Variants in SMAD1 observed in about 807,000 individuals in gnomAD.
SMAD1 encodes MAD, mothers against decapentaplegic homolog 1.
A neutral mutation model predicts 41.6 loss-of-function variants in SMAD1; 6 were observed. The observed-to-expected ratio is 0.14, with a 90% CI of 0.08 to 0.28. The LOEUF (loss-of-function observed/expected upper bound fraction) is 0.28, where lower values mean the gene tolerates loss of function less well. SMAD1 is among the 10% of genes least tolerant of loss of function. SMAD1 has a pLI of 1.00. For synonymous variants in SMAD1, 206 were observed against 203.2 expected (o/e 1.01, Z -0.12); for missense variants, 379 against 582.6 (o/e 0.65, Z 3.60).
At chr4:145,552,684 C>T (rs1316997971) in intron 5 of SMAD1, among the ~76,000 whole-genome samples, 2 of 152,122 alleles carry the variant, frequency 1.3e-5, no homozygotes, top group Non-Finnish European at 2.9e-5. Context: ...ACTTCTTCCA[C>T]CTGTGGCTTT....
At chr4:145,552,143 G>T (rs540062154) in intron 5 of SMAD1, among the ~76,000 whole-genome samples, 12 of 152,194 alleles carry the variant, frequency 7.9e-5, no homozygotes, top group African/African-American at 2.9e-4. Context: ...TTTATATTTT[G>T]ATTTACTTTC....
intron 2 of SMAD1, among the ~76,000 whole-genome samples, chr4:145,516,615 A>G (rs1730404985): frequency 6.6e-6 from 1 of 152,152 alleles, no homozygotes; most frequent in South Asian, 2.1e-4. Context: ...TCTCCTTACC[A>G]GTTTGGATAT....
chr4:145,515,817 G>T (rs1730352103), intron 2 of SMAD1, among the ~76,000 whole-genome samples: 1 of 152,076 alleles, frequency 6.6e-6, no homozygotes, highest in Non-Finnish European at 1.5e-5. Flanking sequence ...TAGTTCCTGG[G>T]TTACTAAGGC....
chr4:145,536,966 G>C (rs1212333836), intron 2 of SMAD1, among the ~76,000 whole-genome samples: 3 of 152,102 alleles, frequency 2.0e-5, no homozygotes, highest in Non-Finnish European at 4.4e-5. Flanking sequence ...TCACGGGGAA[G>C]CATTAGAGGG....
At chr4:145,538,944 T>C (rs574255957) in intron 2 of SMAD1, among the ~76,000 whole-genome samples, 2 of 152,186 alleles carry the variant, frequency 1.3e-5, no homozygotes, top group Non-Finnish European at 2.9e-5. Context: ...TCAGGAGGTT[T>C]CTGGAGGTTG....
At chr4:145,496,117 G>T (rs1184184044) in intron 1 of SMAD1, among the ~76,000 whole-genome samples, 15 of 147,290 alleles carry the variant, frequency 1.0e-4, no homozygotes, top group African/African-American at 3.0e-4. Flanking sequence ...TAAAACTCTT[G>T]TTTTTTTTTT....
At chr4:145,515,143 TG>T in intron 2 of SMAD1, 130 bp downstream of exon 2, 2 of 610,496 alleles carry the variant, frequency 3.3e-6, no homozygotes, top group Non-Finnish European at 5.4e-6. Context: ...ACTGTGTGTG[TG>T]TGTGTGTGTG....
At chr4:145,484,059 TAAAAAC>T (rs1274074420) in intron 1 of SMAD1, among the ~76,000 whole-genome samples, 2 of 152,248 alleles carry the variant, frequency 1.3e-5, no homozygotes, top group Admixed American at 1.3e-4. Context: ...ATTTATTAGT[TAAAAAC>T]TAAATTTCAC....
chr4:145,528,105 A>G lies in SMAD1; in HGVS notation c.401-11699A>G, dbSNP rs1271483560. 2.7e-5 allele frequency among the ~76,000 whole-genome samples: 4 copies of G among 147,818 alleles called. No homozygotes were observed. In the South Asian group the frequency reaches 6.4e-4, roughly 24 times the overall value. On this transcript the variant is annotated intron_variant, in intron 2 of 6. Transcript: ENST00000302085. ...CACACACACACACATACACACACAT[A>G]TATTTTTTTTTTTTTTGAAATTGAG...
chr4:145,483,836 A>G (rs1186009918), intron 1 of SMAD1, among the ~76,000 whole-genome samples: 1 of 152,220 alleles, frequency 6.6e-6, no homozygotes, highest in Non-Finnish European at 1.5e-5. Flanking sequence ...CCCTACAACC[A>G]TAGGTATGTA....
intron 2 of SMAD1, among the ~76,000 whole-genome samples, chr4:145,521,299 C>T (rs1013981470): frequency 2.0e-5 from 3 of 152,040 alleles, no homozygotes; most frequent in African/African-American, 7.2e-5. Context: ...TTAAAAATGC[C>T]TTAATGGAGA....
Position 145,514,389 on chromosome 4 carries a change from G to T in SMAD1, c.-176-49G>T. On this transcript the variant is annotated intron_variant, in intron 1 of 6. Transcript: ENST00000302085. This position sits in a 1 kb window ranked among gnomAD's most constrained non-coding sequence, Gnocchi z 4.7. ...AGCACATGGTGATTACTTAATAAAT[G>T]TGGTTGTATGGTAAAGATGATTCTA... 1 of 475,866 alleles carries T rather than the reference G, an allele frequency of 2.1e-6. No individual in the cohort carries two copies. Among genetic ancestry groups the T allele is most frequent in the Non-Finnish European group, 3.7e-6 (1 of 272,286 alleles). 29.5% of individuals were successfully genotyped at this position (475,866 alleles called of 1,614,324 possible).
Position 145,482,178 on chromosome 4 carries a change from G to C in SMAD1, c.-177+140G>C, listed in dbSNP as rs1278349538. On this transcript the variant is annotated intron_variant, in intron 1 of 6. Transcript: ENST00000302085. The surrounding 1 kb of genome is among the most constrained non-coding windows in gnomAD (Gnocchi z 4.2). ...CGCGGTCGTGCTGGGCTGGGGGCGC[G>C]GGCAGCGGCGGGAAGGGGGCTCTTT... The C allele has an allele frequency of 1.3e-5, 2 of 151,216 alleles. No individual in the cohort carries two copies. The highest frequency in any genetic ancestry group is 4.9e-5 in the African/African-American group (2 of 41,144). The allele number at this position is 151,216 out of a possible 1,614,324, so 9.4% of individuals were successfully genotyped here. A position where few individuals can be genotyped will look rare whatever the true frequency, so the allele number is the denominator to read the frequency against.
At chr4:145,541,079 G>GTT (rs1194248318) in intron 3 of SMAD1, among the ~76,000 whole-genome samples, 1 of 152,082 alleles carries the variant, frequency 6.6e-6, no homozygotes, top group African/African-American at 2.4e-5. Flanking sequence ...AAAAATCAAA[G>GTT]TAACTGGTGA....
chr4:145,553,277 A>G (rs1320070269), intron 5 of SMAD1, among the ~76,000 whole-genome samples: 2 of 104,858 alleles, frequency 1.9e-5, no homozygotes, highest in South Asian at 6.3e-4. Context: ...GTATTAAGTA[A>G]TGCGGTTAAC....
intron 2 of SMAD1, among the ~76,000 whole-genome samples, chr4:145,522,349 C>A (rs924203504): frequency 6.6e-6 from 1 of 152,220 alleles, no homozygotes; most frequent in East Asian, 1.9e-4. Flanking sequence ...CGCCTGTAAT[C>A]CCAGCACTGT....
intron 1 of SMAD1, among the ~76,000 whole-genome samples, chr4:145,494,322 T>C (rs1033478035): frequency 2.0e-5 from 3 of 152,196 alleles, no homozygotes; most frequent in Non-Finnish European, 4.4e-5. Flanking sequence ...ATGTTCATAG[T>C]GTATCTCTTA....
intron 2 of SMAD1, among the ~76,000 whole-genome samples, chr4:145,538,554 G>A (rs979783951): frequency 2.6e-5 from 4 of 152,090 alleles, no homozygotes; most frequent in African/African-American, 9.7e-5. Context: ...TAATCCAAGT[G>A]TTAAGAGCAC....
intron 1 of SMAD1, chr4:145,503,949 G>C (rs1729617693): frequency 1.3e-5 from 2 of 152,172 alleles, no homozygotes; most frequent in African/African-American, 4.8e-5. Flanking sequence ...GATCGGCTCG[G>C]GCCACTGCGA....
Sources: gnomAD v4.1 joint callset for allele counts (sites outside exome capture counted in the v4.1 genomes callset) on GRCh38, gnomAD v4.1.1 for gene constraint, Gnocchi (gnomAD v3.1) non-coding constraint, MANE v1.5 for transcripts, NCBI Gene and HGNC (gene_info 2026-07-23, HGNC 2026-07-21) for gene names.